CAPN2: variants seen among roughly 807,000 people sequenced by gnomAD.
CAPN2 encodes calpain 2.
In CAPN2, 92 loss-of-function variants were observed where a neutral mutation model predicts 102.3. The ratio of observed to expected loss-of-function variants is 0.90; its 90% CI spans 0.76 to 1.07. The LOEUF is 1.07. Ranked by LOEUF, CAPN2 falls within the 50% of genes least tolerant of loss-of-function variation. The pLI is 0.00. For missense variants in CAPN2, 800 were observed against 909.4 expected (o/e 0.88, Z 1.55); for synonymous variants, 340 against 355.4 (o/e 0.96, Z 0.49).
intron 12 of CAPN2, among the ~76,000 whole-genome samples, chr1:223,761,054 C>G (rs911109892): frequency 3.3e-5 from 5 of 152,172 alleles, no homozygotes; most frequent in African/African-American, 1.2e-4. Flanking sequence ...ACACACAGGC[C>G]TCTGCACTGC....
chr1:223,714,869 G>A (rs985464213), intron 1 of CAPN2, among the ~76,000 whole-genome samples: 1 of 152,216 alleles, frequency 6.6e-6, no homozygotes, highest in Non-Finnish European at 1.5e-5. Context: ...AAATGCCTGT[G>A]GGACTTCCAG....
At chr1:223,748,275 C>T (rs1300270035) in intron 5 of CAPN2, among the ~76,000 whole-genome samples, 1 of 152,216 alleles carries the variant, frequency 6.6e-6, no homozygotes. Context: ...GAGCCCTGTC[C>T]CATCCAGGTT....
intron 2 of CAPN2, among the ~76,000 whole-genome samples, chr1:223,722,664 T>C (rs973823323): frequency 2.0e-5 from 3 of 152,170 alleles, no homozygotes; most frequent in Non-Finnish European, 4.4e-5. Flanking sequence ...AGACTTTTTT[T>C]TAAGAACAGT....
chr1:223,704,730 T>C lies in CAPN2; in HGVS notation c.3+2899T>C, dbSNP rs75755972. On this transcript the variant is annotated intron_variant, in intron 1 of 20. Transcript: ENST00000433674. ...AATGAGATGTCACTGGGCTCAGCCCTGTGCCTGGAAGGAGGGAGGTGGTCA... is the reference window on the plus strand; with the variant it reads ...AATGAGATGTCACTGGGCTCAGCCCCGTGCCTGGAAGGAGGGAGGTGGTCA... Among the ~76,000 whole-genome samples, 1,426 of 152,302 alleles carry C rather than the reference T, an allele frequency of 9.4e-3. 23 individuals carry two copies. The highest frequency in any genetic ancestry group is 0.032 in the African/African-American group (1,342 of 41,572).
intron 1 of CAPN2, among the ~76,000 whole-genome samples, chr1:223,707,455 T>C (rs889908862): frequency 3.9e-5 from 6 of 152,160 alleles, no homozygotes; most frequent in African/African-American, 1.2e-4. Flanking sequence ...GTGAAAAGGA[T>C]TGTGTGGTCA....
rs1222130 is a variant in CAPN2 at position 223,754,297 on chromosome 1, C to T, written c.1136-1183C>T. The stretch of plus-strand genomic sequence containing the variant: ...GACTCCTTCACCTCAAGTATGCAGC[C>T]ACCAAGTGGCAGTCCCAGAGGCGCT... On this transcript the variant is annotated intron_variant, in intron 9 of 20. Transcript: ENST00000295006. The surrounding 1 kb of genome is among the most constrained non-coding windows in gnomAD (Gnocchi z 4.7). Among the ~76,000 whole-genome samples, 15,770 of 152,226 alleles carry T rather than the reference C, an allele frequency of 0.1. 2,070 individuals are homozygous for T. Among genetic ancestry groups the T allele is most frequent in the African/African-American group, 0.3 (12,473 of 41,488 alleles).
chr1:223,708,614 C>CA (rs1659662308), upstream of CAPN2, among the ~76,000 whole-genome samples: 1 of 151,582 alleles, frequency 6.6e-6, no homozygotes, highest in Non-Finnish European at 1.5e-5. Context: ...ACTAAAAATA[C>CA]AAAAAAATTA....
At chr1:223,745,572 A>G in intron 4 of CAPN2, 133 bp downstream of exon 4, 4 of 926,582 alleles carry the variant, frequency 4.3e-6, no homozygotes, top group South Asian at 1.5e-5. Flanking sequence ...GGAGTTCGAG[A>G]CCAGCCTGGC....
At chr1:223,730,010 C>CAAAAAAAAAA (rs57382658) in intron 2 of CAPN2, among the ~76,000 whole-genome samples, 305 of 78,620 alleles carry the variant, frequency 3.9e-3, no homozygotes, top group African/African-American at 4.2e-3. Context: ...CCCAAAAAAC[C>CAAAAAAAAAA]AAAAAAAAAA....
In CAPN2 at chr1:223,756,245, G is replaced by A. The variant is rs796186841; in HGVS notation, c.1305+596G>A. On this transcript the variant is annotated intron_variant, in intron 10 of 20. Coordinates refer to ENST00000295006, the MANE Select transcript of CAPN2 (RefSeq NM_001748.5). This position sits in a 1 kb window ranked among gnomAD's most constrained non-coding sequence, Gnocchi z 4.1. ...CCTCTCCGCCCTCAGGCTGGGGCTGGGGCACTGAGAACTCACCCAACACGC... is the reference window on the plus strand; with the variant it reads ...CCTCTCCGCCCTCAGGCTGGGGCTGAGGCACTGAGAACTCACCCAACACGC... Among the ~76,000 whole-genome samples, 1 of 152,332 alleles carries A rather than the reference G, an allele frequency of 6.6e-6. No individual in the cohort carries two copies. Among genetic ancestry groups the A allele is most frequent in the African/African-American group, 2.4e-5 (1 of 41,572 alleles).
At chr1:223,703,790 A>G (rs915561937) in intron 1 of CAPN2, among the ~76,000 whole-genome samples, 1 of 152,226 alleles carries the variant, frequency 6.6e-6, no homozygotes. Context: ...TCAAGTTGAC[A>G]CACTTGGTTA....
intron 1 of CAPN2, among the ~76,000 whole-genome samples, chr1:223,715,541 T>C (rs546243468): frequency 1.3e-5 from 2 of 152,244 alleles, no homozygotes; most frequent in South Asian, 4.1e-4. Flanking sequence ...GGAGCTGCTC[T>C]TCCTCGGAGA....
chr1:223,742,297 C>T (rs1660636722), intron 2 of CAPN2, among the ~76,000 whole-genome samples: 1 of 151,772 alleles, frequency 6.6e-6, no homozygotes, highest in African/African-American at 2.4e-5. Context: ...GAGGCTGAGG[C>T]AGGAGAATCA....
chr1:223,750,300 C>T (rs759902229), intron 6 of CAPN2, among the ~76,000 whole-genome samples: 5 of 152,154 alleles, frequency 3.3e-5, no homozygotes, highest in African/African-American at 7.2e-5. Flanking sequence ...AAGTTGCAGA[C>T]GTTATGACAC....
chr1:223,755,453 G>A lies in CAPN2; in HGVS notation c.1136-27G>A. On this transcript the variant is annotated intron_variant, in intron 9 of 20. Coordinates refer to ENST00000295006, the MANE Select transcript of CAPN2 (RefSeq NM_001748.5). The surrounding 1 kb of genome is among the most constrained non-coding windows in gnomAD (Gnocchi z 4.1). ...CCCCATGCATTCCTGCTCAGGGCTG[G>A]GCTCCTCTGCCCCTTTCTGGCTGCA... 1 of 1,612,906 alleles carries A rather than the reference G, an allele frequency of 6.2e-7. No individual in the cohort carries two copies. The highest frequency in any genetic ancestry group is 1.1e-5 in the South Asian group (1 of 90,982).
At position 223,759,324 on chromosome 1, in the gene CAPN2, G is replaced by A. The variant is rs370722848; in HGVS notation, c.1372G>A (p.Ala458Thr). 1.9e-5 allele frequency: 30 copies of A among 1,614,060 alleles called. No individual in the cohort carries two copies. The African/African-American group carries it at 2.8e-4, about 15-fold the overall frequency. ...CAAAAACTTCTTCCTGACGAATCGC[G>A]CCAGGGAGCGCTCAGACACCTTCAT... Reference protein sequence around the residue: ...LSKNFFLTNRARERSDTFINL... With the variant: ...LSKNFFLTNRTRERSDTFINL... Residue 458 changes from alanine to threonine, a missense_variant, in exon 12 of 21, where the codon GCC becomes ACC. Coordinates refer to ENST00000295006, the MANE Select transcript of CAPN2 (RefSeq NM_001748.5). The surrounding 1 kb of genome is among the most constrained non-coding windows in gnomAD (Gnocchi z 4.6).
intron 2 of CAPN2, among the ~76,000 whole-genome samples, chr1:223,743,420 G>A (rs935971746): frequency 2.6e-5 from 4 of 152,212 alleles, no homozygotes; most frequent in East Asian, 1.9e-4. Context: ...CCTAGGAGGC[G>A]TGCAACGTTT....
At chr1:223,752,705 T>C (rs1660933185) in intron 8 of CAPN2, 91 bp from the exon 9 acceptor site, 1 of 1,273,026 alleles carries the variant, frequency 7.9e-7, no homozygotes, top group Admixed American at 1.9e-5. Context: ...CTGCCTGGCT[T>C]TGGGTGGCTC....
Position 223,755,678 on chromosome 1 carries a change from C to T in CAPN2, c.1305+29C>T. 2 of 1,529,934 alleles carry T rather than the reference C, an allele frequency of 1.3e-6. No individual in the cohort carries two copies. The highest frequency in any genetic ancestry group is 2.6e-5 in the South Asian group (2 of 78,028). The allele number at this position is 1,529,934 out of a possible 1,614,324, so 94.8% of individuals were successfully genotyped here. A position where few individuals can be genotyped will look rare whatever the true frequency, so the allele number is the denominator to read the frequency against. On this transcript the variant is annotated intron_variant, in intron 10 of 20. Transcript: ENST00000295006. This position sits in a 1 kb window ranked among gnomAD's most constrained non-coding sequence, Gnocchi z 4.1. ...CAGAGCGCAGGGGCTCCTGCCCTCC[C>T]TTCCCCATGTGTTCATCTCAGCCCC...
Sources: allele counts gnomAD v4.1 joint callset (sites outside exome capture counted in the v4.1 genomes callset), GRCh38; gene constraint gnomAD v4.1.1; non-coding constraint Gnocchi (gnomAD v3.1); transcripts MANE v1.5; gene names NCBI Gene and HGNC (gene_info 2026-07-23, HGNC 2026-07-21).